SLC16A9: variants seen among roughly 807,000 people sequenced by gnomAD.
The protein encoded by SLC16A9 is solute carrier family 16 member 9, also known as monocarboxylate transporter 9.
Under a neutral mutation model 44.3 loss-of-function variants are expected in SLC16A9, and 26 were observed. That is an observed-to-expected ratio of 0.59 (90% CI 0.43 to 0.81). The LOEUF (loss-of-function observed/expected upper bound fraction) is 0.81. Among genes scored for constraint, SLC16A9 ranks in the 40% least tolerant of loss-of-function variants. The probability of loss-of-function intolerance (pLI) is 0.00; values close to 1 mark genes in which losing one functional copy is unlikely to be tolerated. For missense variants in SLC16A9, 559 were observed against 595.8 expected, an observed-to-expected ratio of 0.94 and a Z score of 0.64; for synonymous variants, 230 against 225.1, an observed-to-expected ratio of 1.02 and a Z score of -0.19.
chr10:59,655,861 C>T (rs1385113957), intron 4 of SLC16A9, among the ~76,000 whole-genome samples: 1 of 152,198 alleles, frequency 6.6e-6, no homozygotes, highest in African/African-American at 2.4e-5. Context: ...TAGGACCAAG[C>T]TCAGAGGCAT....
In SLC16A9 at chr10:59,654,248, T is replaced by A; in HGVS notation, c.778A>T (p.Thr260Ser). The A allele has an allele frequency of 5.0e-6, 8 of 1,614,204 alleles. No homozygotes were observed. The highest frequency in any genetic ancestry group is 4.2e-6 in the Non-Finnish European group (5 of 1,180,030). Residue 260 changes from threonine to serine, a missense_variant, in exon 5 of 6, where the codon ACA (threonine) becomes TCA (serine). Thr to Ser is a moderately conservative substitution (Grantham distance 58). Transcript: ENST00000395348. ...TACGTTTCAGGCTCTTTTGTGTGTG[T>A]CACTGTGGGGTTTTTATGAAGTAGG... ...DSLLHKNPTV[T>S]HTKEPETYKK...
intron 4 of SLC16A9, among the ~76,000 whole-genome samples, chr10:59,662,704 A>G (rs1316626397): frequency 6.6e-5 from 10 of 151,858 alleles, no homozygotes; most frequent in African/African-American, 2.4e-4. Context: ...ATGAAAAAAA[A>G]CTCATCATCA....
chr10:59,693,181 C>G (rs540747279), intron 1 of SLC16A9, among the ~76,000 whole-genome samples: 20 of 152,290 alleles, frequency 1.3e-4, no homozygotes, highest in African/African-American at 4.3e-4. Flanking sequence ...ATTTTTATAA[C>G]AATTTTTAAG....
intron 1 of SLC16A9, among the ~76,000 whole-genome samples, chr10:59,692,908 C>G (rs1381764639): frequency 1.3e-5 from 2 of 152,142 alleles, no homozygotes; most frequent in East Asian, 3.8e-4. Flanking sequence ...TTTGGGAATT[C>G]TAAAACAATA....
intron 1 of SLC16A9, among the ~76,000 whole-genome samples, chr10:59,685,308 G>T (rs1008480665): frequency 6.6e-6 from 1 of 151,980 alleles, no homozygotes; most frequent in Non-Finnish European, 1.5e-5. Flanking sequence ...AAAAACACTT[G>T]CATGGTTCAT....
chr10:59,693,144 G>A (rs1840287852), intron 1 of SLC16A9, among the ~76,000 whole-genome samples: 1 of 152,198 alleles, frequency 6.6e-6, no homozygotes, highest in African/African-American at 2.4e-5. Flanking sequence ...GTCATCAGCT[G>A]CAACAGTGTC....
chr10:59,670,464 T>A (rs1188376339), intron 3 of SLC16A9, among the ~76,000 whole-genome samples: 2 of 152,146 alleles, frequency 1.3e-5, no homozygotes, highest in Non-Finnish European at 2.9e-5. Context: ...TTACAAAACA[T>A]GTTTACAGTC....
intron 1 of SLC16A9, among the ~76,000 whole-genome samples, chr10:59,686,286 A>C (rs73265530): frequency 0.02 from 3,054 of 152,224 alleles, 116 homozygotes; most frequent in African/African-American, 0.071. Context: ...ACTCCTTTTG[A>C]AATATTTTGT....
intron 2 of SLC16A9, among the ~76,000 whole-genome samples, chr10:59,675,932 C>G (rs540428689): frequency 2.0e-4 from 30 of 152,338 alleles, no homozygotes; most frequent in African/African-American, 7.0e-4. Flanking sequence ...CACTCCTGCT[C>G]TAAAATTTTT....
At chr10:59,699,961 C>T (rs939370766) in intron 1 of SLC16A9, among the ~76,000 whole-genome samples, 3 of 151,712 alleles carry the variant, frequency 2.0e-5, no homozygotes, top group African/African-American at 4.8e-5. Context: ...CCACATCTCT[C>T]CCCCCACCCA....
intron 2 of SLC16A9, among the ~76,000 whole-genome samples, chr10:59,676,575 G>A (rs1232733614): frequency 1.3e-5 from 2 of 152,056 alleles, no homozygotes; most frequent in South Asian, 2.1e-4. Context: ...GGAAAAAAGG[G>A]GGGGAAAAAG....
intron 2 of SLC16A9, among the ~76,000 whole-genome samples, chr10:59,682,541 A>G (rs570727978): frequency 2.0e-4 from 31 of 152,354 alleles, no homozygotes; most frequent in African/African-American, 7.2e-4. Flanking sequence ...CAACCTGGAC[A>G]GACTTGTGAA....
intron 1 of SLC16A9, among the ~76,000 whole-genome samples, chr10:59,697,147 G>T (rs1330240471): frequency 7.5e-6 from 1 of 134,116 alleles, no homozygotes; most frequent in Non-Finnish European, 1.7e-5. Context: ...CACCCCGTCC[G>T]GGAGGTGAGG....
chr10:59,664,091 C>A (rs533248441), intron 4 of SLC16A9, 136 bp downstream of exon 4: 2 of 374,426 alleles, frequency 5.3e-6, no homozygotes, highest in South Asian at 7.5e-5. Context: ...AACTTTCCTT[C>A]CAGAAGTAAA....
At chr10:59,653,286 C>A (rs529680074) in intron 5 of SLC16A9, among the ~76,000 whole-genome samples, 2 of 151,316 alleles carry the variant, frequency 1.3e-5, no homozygotes, top group Non-Finnish European at 2.9e-5. Context: ...ATTAGCCGGG[C>A]GTGGTGGCAG....
In SLC16A9 at chr10:59,672,795, C is replaced by A; in HGVS notation, c.315G>T (p.Leu105=). Residue 105 remains leucine, a synonymous_variant, in exon 3 of 6, where the codon CTG becomes CTT. Transcript: ENST00000395348. The part of the protein sequence containing the change: ...LSSFAPNIYF[L]FFSYGIVVGL... ...CTACAACAATGCCATAGGAAAAAAA[C>A]AGAAAGTAGATATTGGGAGCAAAAC... The A allele has an allele frequency of 6.2e-7, 1 of 1,612,730 alleles. No individual in the cohort carries two copies. The highest frequency in any genetic ancestry group is 8.5e-7 in the Non-Finnish European group (1 of 1,179,472).
intron 1 of SLC16A9, among the ~76,000 whole-genome samples, chr10:59,705,404 G>T (rs1840615599): frequency 3.3e-5 from 5 of 152,042 alleles, no homozygotes; most frequent in Admixed American, 3.3e-4. Context: ...AGACTCCTTG[G>T]TCCCTTTACT....
In SLC16A9 at chr10:59,653,810, C is replaced by T. The variant is rs767777460; in HGVS notation, c.1216G>A (p.Gly406Arg). ...VTLALLSGIL[G>R]FLTGNWSIFP... ...ATGGACCAATTACCAGTAAGAAACCCTAGGATCCCAGAAAGCAACGCCAAT... is the reference window on the plus strand; with the variant it reads ...ATGGACCAATTACCAGTAAGAAACCTTAGGATCCCAGAAAGCAACGCCAAT... The change falls in exon 5 of 6, where the codon GGG (glycine) becomes AGG (arginine). Residue 406 changes from glycine to arginine, a missense_variant. Gly to Arg is a moderately radical substitution (Grantham distance 125, BLOSUM62 -2). Coordinates refer to ENST00000395348, the MANE Select transcript of SLC16A9 (RefSeq NM_194298.3). 1 of 1,614,068 alleles carries T rather than the reference C, an allele frequency of 6.2e-7. No homozygotes were observed. Among genetic ancestry groups the T allele is most frequent in the East Asian group, 2.2e-5 (1 of 44,868 alleles).
intron 3 of SLC16A9, among the ~76,000 whole-genome samples, chr10:59,670,156 T>C (rs767671561): frequency 2.6e-5 from 4 of 152,216 alleles, no homozygotes; most frequent in Non-Finnish European, 4.4e-5. Context: ...AAACTACTGC[T>C]GTATGGGTCA....
Sources: gnomAD v4.1 joint callset for allele counts (sites outside exome capture counted in the v4.1 genomes callset) on GRCh38, gnomAD v4.1.1 for gene constraint, MANE v1.5 for transcripts, NCBI Gene and HGNC (gene_info 2026-07-23, HGNC 2026-07-21) for gene names.